PAPPA: variants seen among roughly 807,000 people sequenced by gnomAD.
The protein encoded by PAPPA is pappalysin-1.
PAPPA carries 60 observed loss-of-function variants against 164.0 expected under a neutral mutation model. The ratio of observed to expected loss-of-function variants is 0.37; its 90% confidence interval spans 0.30 to 0.45. PAPPA has a LOEUF of 0.45. Ranked by LOEUF, PAPPA falls within the 20% of genes least tolerant of loss-of-function variation. PAPPA has a pLI of 1.00. For synonymous variants in PAPPA, 875 were observed against 814.1 expected, an observed-to-expected ratio of 1.07 and a Z score of -1.27; for missense variants, 1,782 against 2,087.3, an observed-to-expected ratio of 0.85 and a Z score of 2.85.
At chr9:116,179,616 C>T (rs542557934) in intron 1 of PAPPA, among the ~76,000 whole-genome samples, 1 of 152,302 alleles carries the variant, frequency 6.6e-6, no homozygotes, top group South Asian at 2.1e-4. Context: ...GAGGAGCAGT[C>T]CCCCAGGTAC....
At chr9:116,353,538 G>A (rs1352977929) in intron 16 of PAPPA, 84 bp from the exon 17 acceptor site, 4 of 1,221,160 alleles carry the variant, frequency 3.3e-6, no homozygotes, top group Non-Finnish European at 4.7e-6. Context: ...TAGGAAATGG[G>A]GGCCCAGCTG....
intron 9 of PAPPA, among the ~76,000 whole-genome samples, chr9:116,289,379 A>G (rs149283885): frequency 0.039 from 2,336 of 59,912 alleles, 60 homozygotes; most frequent in South Asian, 0.068. Flanking sequence ...GCATATATAT[A>G]GCATATGTAT....
chr9:116,383,806 T>TTTGA (rs1350291238), intron 21 of PAPPA, among the ~76,000 whole-genome samples: 1 of 152,188 alleles, frequency 6.6e-6, no homozygotes, highest in Non-Finnish European at 1.5e-5. Context: ...GGTTTTGATT[T>TTTGA]TTGATTGATA....
Position 116,154,380 on chromosome 9 carries a change from G to T in PAPPA, c.208G>T (p.Glu70Ter), listed in dbSNP as rs1728074524. Residue 70 changes from glutamate to a stop codon, truncating the protein, a stop_gained, in exon 1 of 22, where the codon GAA (glutamate) becomes TAA (stop). Coordinates refer to ENST00000328252, the MANE Select transcript of PAPPA (RefSeq NM_002581.5). LOFTEE classifies it high-confidence loss of function. This position sits in a 1 kb window ranked among gnomAD's most constrained non-coding sequence, Gnocchi z 5.2. ...PPPPPPGGAW[E>*]AVRVPRRRQQ... ...GCCGCCGCCGCCGGGCGGTGCCTGG[G>T]AAGCCGTGCGCGTCCCCCGGCGGCG... The T allele has an allele frequency of 9.3e-7, 1 of 1,071,234 alleles. No individual in the cohort carries two copies. Among genetic ancestry groups the T allele is most frequent in the African/African-American group, 1.7e-5 (1 of 59,798 alleles). The allele number at this position is 1,071,234 out of a possible 1,614,324, so 66.4% of individuals were successfully genotyped here.
At chr9:116,331,164 G>C in intron 10 of PAPPA, 80 bp from the exon 11 acceptor site, 1 of 894,078 alleles carries the variant, frequency 1.1e-6, no homozygotes, top group Non-Finnish European at 1.8e-6. Flanking sequence ...TAGGTGAACA[G>C]TAAAGGTTTG....
chr9:116,398,479 T>TA lies in PAPPA; in HGVS notation c.*1880dup, dbSNP rs373083822. 0.43 allele frequency: 302,127 copies of TA among 699,608 alleles called. 31,742 individuals carry two copies. Among genetic ancestry groups the TA allele is most frequent in the Admixed American group, 0.56 (13,433 of 23,802 alleles). 43.3% of individuals were successfully genotyped at this position (699,608 alleles called of 1,614,324 possible). On this transcript the variant is annotated 3_prime_UTR_variant, in exon 22 of 22. Coordinates refer to ENST00000328252, the MANE Select transcript of PAPPA (RefSeq NM_002581.5). ...GGTGTTGTTAATCTATCATAGCACT[T>TA]AAAAAAAAAAAAAAAAAGAGACCAA...
intron 7 of PAPPA, among the ~76,000 whole-genome samples, chr9:116,262,526 G>A (rs974000660): frequency 4.6e-5 from 7 of 152,204 alleles, no homozygotes; most frequent in Non-Finnish European, 1.0e-4. Context: ...GAGCTGGACA[G>A]TGGCTCTAAA....
chr9:116,343,704 G>A (rs73656812), intron 13 of PAPPA, among the ~76,000 whole-genome samples: 1 of 151,934 alleles, frequency 6.6e-6, no homozygotes, highest in Non-Finnish European at 1.5e-5. Flanking sequence ...CTAGGTAATA[G>A]AGCATAGGTA....
chr9:116,278,500 C>T (rs141403083), intron 9 of PAPPA, among the ~76,000 whole-genome samples: 3 of 152,280 alleles, frequency 2.0e-5, no homozygotes, highest in Non-Finnish European at 1.5e-5. Flanking sequence ...GTCCTTGTGC[C>T]ATTTTCATGA....
chr9:116,257,739 A>G (rs1844948405), intron 7 of PAPPA, among the ~76,000 whole-genome samples: 1 of 152,012 alleles, frequency 6.6e-6, no homozygotes, highest in Non-Finnish European at 1.5e-5. Flanking sequence ...AAAGGAAACG[A>G]CAAAACTAAC....
At chr9:116,214,005 A>G (rs987362315) in intron 4 of PAPPA, among the ~76,000 whole-genome samples, 2 of 152,164 alleles carry the variant, frequency 1.3e-5, no homozygotes, top group African/African-American at 4.8e-5. Context: ...TCGTTGCTTT[A>G]TCTTCCTGGG....
chr9:116,247,402 G>A (rs144358508), intron 7 of PAPPA, among the ~76,000 whole-genome samples: 152 of 152,220 alleles, frequency 1.0e-3, no homozygotes, highest in African/African-American at 2.9e-3. Flanking sequence ...TTTGAAAAAG[G>A]TACCCTGTTT....
At chr9:116,290,033 A>C (rs1268613790) in intron 9 of PAPPA, among the ~76,000 whole-genome samples, 1 of 152,264 alleles carries the variant, frequency 6.6e-6, no homozygotes, top group Admixed American at 6.5e-5. Flanking sequence ...CTGCAAAAGT[A>C]AAATGTGAAA....
At chr9:116,170,220 A>C (rs990901784) in intron 1 of PAPPA, among the ~76,000 whole-genome samples, 1 of 152,160 alleles carries the variant, frequency 6.6e-6, no homozygotes, top group Non-Finnish European at 1.5e-5. Context: ...CCAGCTCTAA[A>C]ATATGAACAC....
chr9:116,340,642 G>A (rs958581927), intron 13 of PAPPA, among the ~76,000 whole-genome samples: 2 of 152,104 alleles, frequency 1.3e-5, no homozygotes, highest in African/African-American at 4.8e-5. Flanking sequence ...CAGATGTGCT[G>A]AAAAAGCAAG....
At chr9:116,350,651 CTCTT>C (rs1846269435) in intron 15 of PAPPA, among the ~76,000 whole-genome samples, 1 of 152,192 alleles carries the variant, frequency 6.6e-6, no homozygotes, top group African/African-American at 2.4e-5. Context: ...TATGTTATCT[CTCTT>C]AGGCAATTTG....
chr9:116,203,106 C>T (rs1844190632), intron 2 of PAPPA, among the ~76,000 whole-genome samples: 1 of 152,148 alleles, frequency 6.6e-6, no homozygotes, highest in African/African-American at 2.4e-5. Flanking sequence ...AGGCTGCCAT[C>T]CTTCCCATGA....
chr9:116,345,973 G>T (rs2118979534), intron 14 of PAPPA, among the ~76,000 whole-genome samples: 1 of 152,282 alleles, frequency 6.6e-6, no homozygotes, highest in South Asian at 2.1e-4. Context: ...TGCTGGGAAT[G>T]CCTATTTGTA....
intron 5 of PAPPA, among the ~76,000 whole-genome samples, chr9:116,220,571 A>G (rs1239077347): frequency 6.6e-6 from 1 of 151,168 alleles, no homozygotes; most frequent in Non-Finnish European, 1.5e-5. Flanking sequence ...ACGTGTGTAT[A>G]TAAGTACATA....
Sources: gnomAD v4.1 joint callset for allele counts (sites outside exome capture counted in the v4.1 genomes callset) on GRCh38, gnomAD v4.1.1 for gene constraint, Gnocchi (gnomAD v3.1) non-coding constraint, MANE v1.5 for transcripts, NCBI Gene and HGNC (gene_info 2026-07-23, HGNC 2026-07-21) for gene names.